The following NKAIN2 variants were observed in gnomAD, a reference collection of about 807,000 sequenced individuals.
The protein encoded by NKAIN2 is sodium/potassium-transporting ATPase subunit beta-1-interacting protein 2.
Under a neutral mutation model 32.6 loss-of-function variants are expected in NKAIN2, and 14 were observed. The ratio of observed to expected loss-of-function variants is 0.43; its 90% CI spans 0.28 to 0.67. The LOEUF (loss-of-function observed/expected upper bound fraction) is 0.67. Among genes scored for constraint, NKAIN2 ranks in the 30% least tolerant of loss-of-function variants. The pLI is 0.17. For missense variants in NKAIN2, 198 were observed against 258.3 expected (o/e 0.77, Z 1.60); for synonymous variants, 80 against 87.2 (o/e 0.92, Z 0.46).
intron 1 of NKAIN2, among the ~76,000 whole-genome samples, chr6:124,268,173 C>T (rs1435551701): frequency 6.6e-6 from 1 of 152,164 alleles, no homozygotes; most frequent in East Asian, 1.9e-4. Context: ...TGAGAGCCAA[C>T]ACATGCAAGC....
At chr6:124,651,636 G>A (rs1027923926) in intron 3 of NKAIN2, among the ~76,000 whole-genome samples, 3 of 152,118 alleles carry the variant, frequency 2.0e-5, no homozygotes, top group African/African-American at 7.2e-5. Flanking sequence ...TGGGAGACAA[G>A]GAGACAAGCT....
chr6:124,128,711 C>T (rs1286937424), intron 1 of NKAIN2, among the ~76,000 whole-genome samples: 4 of 152,186 alleles, frequency 2.6e-5, no homozygotes, highest in African/African-American at 4.8e-5. Flanking sequence ...GTTAATCTTG[C>T]TCTTCTTTCT....
At chr6:124,555,296 C>T (rs1160475619) in intron 3 of NKAIN2, among the ~76,000 whole-genome samples, 1 of 150,410 alleles carries the variant, frequency 6.6e-6, no homozygotes, top group Admixed American at 6.7e-5. Flanking sequence ...GCCTATCAAA[C>T]ACCTATCACA....
intron 3 of NKAIN2, among the ~76,000 whole-genome samples, chr6:124,445,997 T>G (rs1006189868): frequency 7.2e-5 from 11 of 152,070 alleles, no homozygotes; most frequent in Non-Finnish European, 1.5e-4. Flanking sequence ...GCCTTCAAAA[T>G]GGGGGAGCGG....
intron 4 of NKAIN2, among the ~76,000 whole-genome samples, chr6:124,689,076 C>A (rs1474493321): frequency 6.6e-6 from 1 of 152,102 alleles, no homozygotes; most frequent in Non-Finnish European, 1.5e-5. Context: ...AATTGCTATA[C>A]CATTTTGCAT....
intron 3 of NKAIN2, among the ~76,000 whole-genome samples, chr6:124,453,419 G>A (rs1776196844): frequency 6.7e-6 from 1 of 149,048 alleles, no homozygotes; most frequent in South Asian, 2.1e-4. Flanking sequence ...TACACAAGGA[G>A]GACTATAACA....
At chr6:123,986,727 C>T (rs1779154268) in intron 1 of NKAIN2, among the ~76,000 whole-genome samples, 1 of 152,138 alleles carries the variant, frequency 6.6e-6, no homozygotes, top group Non-Finnish European at 1.5e-5. Flanking sequence ...TGAAAAACAT[C>T]ACTGCTCTAG....
At chr6:124,637,160 C>A (rs1195983314) in intron 3 of NKAIN2, among the ~76,000 whole-genome samples, 1 of 151,926 alleles carries the variant, frequency 6.6e-6, no homozygotes, top group Non-Finnish European at 1.5e-5. Flanking sequence ...TCAGTAGGTG[C>A]AGAAAAAGTA....
intron 1 of NKAIN2, among the ~76,000 whole-genome samples, chr6:124,234,959 A>G (rs549181918): frequency 6.6e-6 from 1 of 152,156 alleles, no homozygotes; most frequent in Non-Finnish European, 1.5e-5. Flanking sequence ...AAGCAACTTA[A>G]TAAGGTATAG....
chr6:124,620,533 C>A (rs374129677), intron 3 of NKAIN2, among the ~76,000 whole-genome samples: 1 of 152,258 alleles, frequency 6.6e-6, no homozygotes, highest in South Asian at 2.1e-4. Flanking sequence ...CAGAGATTGT[C>A]AGAAGTGGCT....
chr6:123,817,956 T>C (rs1433427488), intron 1 of NKAIN2, among the ~76,000 whole-genome samples: 1 of 152,178 alleles, frequency 6.6e-6, no homozygotes, highest in Admixed American at 6.5e-5. Flanking sequence ...GCCTTCAGTA[T>C]TCTTGGCTGT....
chr6:124,687,581 T>C (rs1562324941), intron 4 of NKAIN2, among the ~76,000 whole-genome samples: 53 of 48,526 alleles, frequency 1.1e-3, no homozygotes, highest in Admixed American at 2.8e-3. Flanking sequence ...AATATATATT[T>C]ATAATATAAA....
intron 3 of NKAIN2, among the ~76,000 whole-genome samples, chr6:124,443,311 A>G (rs1410072390): frequency 6.6e-6 from 1 of 152,114 alleles, no homozygotes; most frequent in Non-Finnish European, 1.5e-5. Flanking sequence ...GTGAACAAAG[A>G]TGATATTCTC....
At chr6:124,668,148 A>G (rs1464775102) in intron 4 of NKAIN2, among the ~76,000 whole-genome samples, 1 of 152,112 alleles carries the variant, frequency 6.6e-6, no homozygotes, top group Non-Finnish European at 1.5e-5. Context: ...TTTTATATAC[A>G]TATGTTTACT....
chr6:124,509,764 T>A (rs1286439913), intron 3 of NKAIN2, among the ~76,000 whole-genome samples: 1 of 152,232 alleles, frequency 6.6e-6, no homozygotes. Context: ...CCCTCACTTT[T>A]CTTGGTTTGT....
At chr6:123,819,093 G>A (rs1397034119) in intron 1 of NKAIN2, among the ~76,000 whole-genome samples, 1 of 152,168 alleles carries the variant, frequency 6.6e-6, no homozygotes, top group Non-Finnish European at 1.5e-5. Context: ...CTATATGTGA[G>A]AAGAGGAAAG....
At chr6:124,162,260 G>A (rs1036372717) in intron 1 of NKAIN2, among the ~76,000 whole-genome samples, 2 of 151,956 alleles carry the variant, frequency 1.3e-5, no homozygotes, top group African/African-American at 2.4e-5. Flanking sequence ...CATAGTATGC[G>A]CTCCATAGGA....
intron 3 of NKAIN2, among the ~76,000 whole-genome samples, chr6:124,397,276 T>G (rs1773420874): frequency 6.6e-6 from 1 of 152,072 alleles, no homozygotes; most frequent in Non-Finnish European, 1.5e-5. Flanking sequence ...TAAATAAATG[T>G]AATTATAATT....
chr6:123,919,500 G>A (rs1420738652), intron 1 of NKAIN2, among the ~76,000 whole-genome samples: 1 of 152,074 alleles, frequency 6.6e-6, no homozygotes, highest in Non-Finnish European at 1.5e-5. Flanking sequence ...ATTAGCTGTT[G>A]TTTAATAAAT....
Sources: gnomAD v4.1 joint callset for allele counts (sites outside exome capture counted in the v4.1 genomes callset) on GRCh38, gnomAD v4.1.1 for gene constraint, MANE v1.5 for transcripts, NCBI Gene and HGNC (gene_info 2026-07-23, HGNC 2026-07-21) for gene names.